CSMD3: variants seen among roughly 807,000 people sequenced by gnomAD.
The protein encoded by CSMD3 is CUB and Sushi multiple domains 3.
CSMD3 carries 177 observed loss-of-function variants against 435.2 expected under a neutral mutation model. The observed-to-expected ratio is 0.41, with a 90% CI of 0.36 to 0.46. CSMD3 has a LOEUF of 0.46. Ranked by LOEUF, CSMD3 falls within the 20% of genes least tolerant of loss-of-function variation. The pLI is 0.34. For missense variants in CSMD3, 4,265 were observed against 4,504.6 expected, an observed-to-expected ratio of 0.95 and a Z score of 1.52; for synonymous variants, 1,656 against 1,520.5, an observed-to-expected ratio of 1.09 and a Z score of -2.07.
At chr8:113,164,771 GA>G (rs919791249) in intron 4 of CSMD3, among the ~76,000 whole-genome samples, 2 of 151,368 alleles carry the variant, frequency 1.3e-5, no homozygotes, top group East Asian at 3.9e-4. Flanking sequence ...TATTACACAG[GA>G]AAAAAAAGAG....
intron 3 of CSMD3, among the ~76,000 whole-genome samples, chr8:113,174,849 A>C (rs1229063680): frequency 6.6e-6 from 1 of 151,852 alleles, no homozygotes; most frequent in African/African-American, 2.4e-5. Context: ...ATTTGAGTAA[A>C]GTCAGTAGTT....
chr8:113,204,126 GT>G (rs1376585814), intron 3 of CSMD3, among the ~76,000 whole-genome samples: 3 of 152,082 alleles, frequency 2.0e-5, no homozygotes, highest in Admixed American at 2.0e-4. Context: ...TTAGATTTAT[GT>G]TTTTCCCTGG....
At chr8:112,817,253 C>A (rs231278) in intron 12 of CSMD3, among the ~76,000 whole-genome samples, 42,607 of 151,878 alleles carry the variant, frequency 0.28, 6,252 homozygotes, top group Non-Finnish European at 0.32. Context: ...GAATTAATGT[C>A]TCACCCTCTT....
At chr8:112,849,262 G>T (rs1192510975) in intron 11 of CSMD3, among the ~76,000 whole-genome samples, 2 of 151,782 alleles carry the variant, frequency 1.3e-5, no homozygotes, top group Non-Finnish European at 2.9e-5. Flanking sequence ...TGTGAGATTT[G>T]CTGACATCCT....
chr8:112,790,490 T>C (rs2078660293), intron 13 of CSMD3, among the ~76,000 whole-genome samples: 2 of 151,050 alleles, frequency 1.3e-5, no homozygotes, highest in South Asian at 2.1e-4. Context: ...GATTAAGTGG[T>C]TGATTATAAT....
Position 112,466,243 on chromosome 8 carries a change from G to A in CSMD3, c.5395+6348C>T, listed in dbSNP as rs1356918126. Among the ~76,000 whole-genome samples, 3 of 151,892 alleles carry A rather than the reference G, an allele frequency of 2.0e-5. No individual in the cohort carries two copies. In the East Asian group the frequency reaches 5.8e-4, roughly 29 times the overall value. On this transcript the variant is annotated intron_variant, in intron 32 of 70. Transcript: ENST00000297405. ...ATTCATTACTGAAAATTTCATACTG[G>A]GGAAAATAAAATGCCAATAAAATGG...
chr8:112,559,218 A>C (rs1828395640), intron 24 of CSMD3, among the ~76,000 whole-genome samples: 1 of 151,938 alleles, frequency 6.6e-6, no homozygotes, highest in Admixed American at 6.6e-5. Context: ...TTTACATTTC[A>C]ATGAAGAATG....
chr8:113,361,571 T>C (rs2132989919), intron 1 of CSMD3, among the ~76,000 whole-genome samples: 1 of 152,182 alleles, frequency 6.6e-6, no homozygotes. Context: ...TCATAAAAAG[T>C]TAGACAAGAC....
chr8:112,659,159 T>C (rs923221605), intron 17 of CSMD3, among the ~76,000 whole-genome samples: 1 of 149,310 alleles, frequency 6.7e-6, no homozygotes, highest in Non-Finnish European at 1.5e-5. Context: ...ACTGGTGATA[T>C]AAAGAACATT....
At chr8:112,985,980 C>T (rs1252718495) in intron 6 of CSMD3, among the ~76,000 whole-genome samples, 1 of 151,990 alleles carries the variant, frequency 6.6e-6, no homozygotes, top group Middle Eastern at 3.4e-3. Flanking sequence ...CATCCCCACC[C>T]CCGATCTGTG....
intron 32 of CSMD3, among the ~76,000 whole-genome samples, chr8:112,443,705 T>G (rs1815290925): frequency 6.6e-6 from 1 of 152,140 alleles, no homozygotes; most frequent in Admixed American, 6.5e-5. Flanking sequence ...TCAGCCATAT[T>G]GATTTCATTG....
At chr8:113,100,204 A>G (rs2090288613) in intron 4 of CSMD3, among the ~76,000 whole-genome samples, 1 of 152,116 alleles carries the variant, frequency 6.6e-6, no homozygotes, top group Non-Finnish European at 1.5e-5. Flanking sequence ...CTTAAAATAT[A>G]TTTAACTTTT....
intron 2 of CSMD3, among the ~76,000 whole-genome samples, chr8:113,291,723 G>T (rs1185020454): frequency 6.6e-6 from 1 of 151,788 alleles, no homozygotes; most frequent in African/African-American, 2.4e-5. Context: ...ATATGTTATT[G>T]ACTGTACACA....
intron 1 of CSMD3, among the ~76,000 whole-genome samples, chr8:113,426,931 C>T (rs1320790600): frequency 6.6e-6 from 1 of 151,354 alleles, no homozygotes; most frequent in Non-Finnish European, 1.5e-5. Flanking sequence ...GTTGTAAGAT[C>T]ATATATCAAA....
intron 10 of CSMD3, among the ~76,000 whole-genome samples, chr8:112,912,612 A>T (rs771089749): frequency 3.3e-5 from 5 of 151,982 alleles, no homozygotes; most frequent in South Asian, 2.1e-4. Flanking sequence ...AAAACTATTT[A>T]AAAAACATAG....
At chr8:113,367,841 A>G (rs1386898231) in intron 1 of CSMD3, among the ~76,000 whole-genome samples, 4 of 152,002 alleles carry the variant, frequency 2.6e-5, no homozygotes, top group African/African-American at 9.7e-5. Flanking sequence ...CCACCTCTAA[A>G]GTGTCTTTGC....
chr8:112,440,701 C>G (rs921875313), intron 32 of CSMD3, among the ~76,000 whole-genome samples: 1 of 152,204 alleles, frequency 6.6e-6, no homozygotes, highest in Non-Finnish European at 1.5e-5. Flanking sequence ...TTTGTGTACC[C>G]ACAGGTCCAA....
At chr8:112,474,268 CAGA>C (rs1160789377) in intron 31 of CSMD3, among the ~76,000 whole-genome samples, 6 of 152,084 alleles carry the variant, frequency 3.9e-5, no homozygotes, top group Non-Finnish European at 7.4e-5. Flanking sequence ...TGGTCCTTTA[CAGA>C]AGAAGTTTGC....
intron 17 of CSMD3, among the ~76,000 whole-genome samples, chr8:112,662,141 T>A (rs866659705): frequency 3.9e-5 from 6 of 152,174 alleles, no homozygotes; most frequent in Non-Finnish European, 8.8e-5. Flanking sequence ...AAGCTACCGA[T>A]GACTTTCTTC....
Sources: gnomAD v4.1 joint callset for allele counts (sites outside exome capture counted in the v4.1 genomes callset) on GRCh38, gnomAD v4.1.1 for gene constraint, MANE v1.5 for transcripts, NCBI Gene and HGNC (gene_info 2026-07-23, HGNC 2026-07-21) for gene names.